The following FAM185A variants were observed in gnomAD, a reference collection of about 807,000 sequenced individuals.
FAM185A encodes family with sequence similarity 185 member A, also known as protein FAM185A.
A neutral mutation model predicts 45.7 loss-of-function variants in FAM185A; 21 were observed. The ratio of observed to expected loss-of-function variants is 0.46; its 90% CI spans 0.33 to 0.66. FAM185A has a LOEUF of 0.66. FAM185A is among the 30% of genes least tolerant of loss of function. The pLI is 0.03. For missense variants in FAM185A, 305 were observed against 485.4 expected, an observed-to-expected ratio of 0.63 and a Z score of 3.49; for synonymous variants, 117 against 194.0, an observed-to-expected ratio of 0.60 and a Z score of 3.30.
At chr7:102,823,831 C>T in the FAM185A span, among the ~76,000 whole-genome samples, 14 of 152,274 alleles carry the variant, frequency 9.2e-5, no homozygotes, top group Middle Eastern at 3.4e-3. Context: ...ATTGTCTAAA[C>T]ACGCTTTGTT....
chr7:102,785,914 T>G (rs1795761144), intron 6 of FAM185A, among the ~76,000 whole-genome samples: 1 of 152,098 alleles, frequency 6.6e-6, no homozygotes, highest in Non-Finnish European at 1.5e-5. Context: ...TGGGAGAAAT[T>G]TTTTGCAATC....
chr7:102,798,670 GA>G, intron 7 of FAM185A, among the ~76,000 whole-genome samples: 1 of 152,184 alleles, frequency 6.6e-6, no homozygotes, highest in Non-Finnish European at 1.5e-5. Context: ...TTAAAAAGAA[GA>G]AAAAGTTGAA....
At chr7:102,790,496 A>C (rs550239096) in intron 7 of FAM185A, among the ~76,000 whole-genome samples, 9 of 152,344 alleles carry the variant, frequency 5.9e-5, no homozygotes, top group Admixed American at 5.9e-4. Context: ...TGGTCCCAAT[A>C]ATCTAAAACA....
chr7:102,844,737 A>G, the FAM185A span, among the ~76,000 whole-genome samples: 1 of 152,316 alleles, frequency 6.6e-6, no homozygotes, highest in Admixed American at 6.5e-5. Context: ...GAGTTAGCAC[A>G]GACCCCACAG....
chr7:102,848,882 C>T, the FAM185A span, among the ~76,000 whole-genome samples: 3 of 152,052 alleles, frequency 2.0e-5, no homozygotes, highest in African/African-American at 7.2e-5. Flanking sequence ...TGCCTGTAAT[C>T]CCAGCTACTC....
chr7:102,774,322 T>C (rs1285258722), intron 5 of FAM185A, among the ~76,000 whole-genome samples: 10 of 152,206 alleles, frequency 6.6e-5, no homozygotes, highest in Admixed American at 6.5e-4. Context: ...TTTATTCTAA[T>C]AGTGGTTTTC....
chr7:102,811,486 C>T (rs1211374186), downstream of FAM185A, among the ~76,000 whole-genome samples: 1 of 152,168 alleles, frequency 6.6e-6, no homozygotes, highest in Non-Finnish European at 1.5e-5. Context: ...AAATTTGTCT[C>T]CCCAGAATGA....
At chr7:102,757,983 C>G (rs1202354852) in intron 3 of FAM185A, 37 bp downstream of exon 3, 1 of 1,543,246 alleles carries the variant, frequency 6.5e-7, no homozygotes, top group Non-Finnish European at 8.7e-7. Context: ...TTAGTAATTG[C>G]AACTTTGCTT....
At chr7:102,776,695 C>T (rs1278548023) in intron 5 of FAM185A, among the ~76,000 whole-genome samples, 1 of 132,748 alleles carries the variant, frequency 7.5e-6, no homozygotes, top group Non-Finnish European at 1.6e-5. Flanking sequence ...TAGCAAGACC[C>T]TGTCTCTAAA....
At chr7:102,758,876 G>T (rs570708736) in intron 3 of FAM185A, among the ~76,000 whole-genome samples, 1 of 147,696 alleles carries the variant, frequency 6.8e-6, no homozygotes, top group Non-Finnish European at 1.5e-5. Context: ...TTCAGAGTTG[G>T]TGGGGAGGAG....
At chr7:102,778,857 C>A (rs2411046) in intron 6 of FAM185A, among the ~76,000 whole-genome samples, 69,697 of 151,996 alleles carry the variant, frequency 0.46, 17,915 homozygotes, top group African/African-American at 0.7. Context: ...CTTAATCGTT[C>A]GCAAAGACAT....
chr7:102,788,530 A>T (rs1387746977), intron 7 of FAM185A, among the ~76,000 whole-genome samples: 1 of 152,182 alleles, frequency 6.6e-6, no homozygotes, highest in Admixed American at 6.5e-5. Flanking sequence ...AATTCATAGA[A>T]TATTACCAAA....
chr7:102,801,585 G>C (rs753036786), intron 7 of FAM185A, among the ~76,000 whole-genome samples: 11 of 152,154 alleles, frequency 7.2e-5, no homozygotes, highest in Non-Finnish European at 1.0e-4. Flanking sequence ...AGCAGGAGTA[G>C]CTATTATATC....
intron 1 of FAM185A, 69 bp downstream of exon 1, chr7:102,749,727 G>C (rs572766298): frequency 2.0e-6 from 3 of 1,494,490 alleles, no homozygotes; most frequent in East Asian, 4.9e-5. Context: ...AAATGTGGTC[G>C]ACGTGCACTT....
intron 5 of FAM185A, among the ~76,000 whole-genome samples, chr7:102,773,653 C>T (rs1358164703): frequency 6.6e-5 from 10 of 152,088 alleles, no homozygotes; most frequent in Non-Finnish European, 1.5e-4. Context: ...CCCAAAGTTC[C>T]ACTTTATACT....
the FAM185A span, among the ~76,000 whole-genome samples, chr7:102,828,834 GGGGAGAGCAGCCAGGCTT>G: frequency 6.6e-6 from 1 of 152,144 alleles, no homozygotes; most frequent in Non-Finnish European, 1.5e-5. Flanking sequence ...TGGGGCCTTA[GGGGAGAGCAGCCAGGCTT>G]TGTGACCTGG....
chr7:102,806,158 T>C (rs745317150), intron 7 of FAM185A, among the ~76,000 whole-genome samples: 139 of 151,982 alleles, frequency 9.1e-4, no homozygotes, highest in Non-Finnish European at 6.3e-4. Flanking sequence ...GTTGTTGTTG[T>C]TGTTTATTAA....
chr7:102,766,144 A>T (rs1794381475), intron 4 of FAM185A, among the ~76,000 whole-genome samples: 1 of 152,298 alleles, frequency 6.6e-6, no homozygotes, highest in African/African-American at 2.4e-5. Flanking sequence ...TTTATAACCC[A>T]TGATTTAAAC....
the FAM185A span, among the ~76,000 whole-genome samples, chr7:102,836,478 T>C: frequency 1.3e-5 from 2 of 152,230 alleles, no homozygotes; most frequent in Non-Finnish European, 2.9e-5. Context: ...CTGGCTCCAA[T>C]GCTGCAGAAT....
Sources: gnomAD v4.1 joint callset for allele counts (sites outside exome capture counted in the v4.1 genomes callset) on GRCh38, gnomAD v4.1.1 for gene constraint, MANE v1.5 for transcripts, NCBI Gene and HGNC (gene_info 2026-07-23, HGNC 2026-07-21) for gene names.